Variants in ATRNL1 observed in about 807,000 individuals in gnomAD.
ATRNL1 encodes the protein attractin-like protein 1.
A neutral mutation model predicts 182.7 loss-of-function variants in ATRNL1; 95 were observed. The ratio of observed to expected loss-of-function variants is 0.52; its 90% CI spans 0.44 to 0.62. The LOEUF is 0.62. Ranked by LOEUF, ATRNL1 falls within the 20% of genes least tolerant of loss-of-function variation. The pLI is 0.00. For missense variants in ATRNL1, 1,471 were observed against 1,679.5 expected, an observed-to-expected ratio of 0.88 and a Z score of 2.17; for synonymous variants, 576 against 568.3, an observed-to-expected ratio of 1.01 and a Z score of -0.19.
chr10:115,653,495 G>A (rs542726178), intron 26 of ATRNL1, among the ~76,000 whole-genome samples: 25 of 152,174 alleles, frequency 1.6e-4, no homozygotes, highest in East Asian at 1.5e-3. Flanking sequence ...TTGCCTTTCC[G>A]TTTGGAATGT....
At chr10:115,812,271 A>G (rs947581818) in intron 27 of ATRNL1, among the ~76,000 whole-genome samples, 11 of 152,184 alleles carry the variant, frequency 7.2e-5, no homozygotes, top group African/African-American at 2.7e-4. Context: ...ATTTGCATTT[A>G]GTGTAATTAT....
intron 1 of ATRNL1, among the ~76,000 whole-genome samples, chr10:115,103,698 C>G (rs1282327489): frequency 6.6e-6 from 1 of 152,190 alleles, no homozygotes; most frequent in Admixed American, 6.5e-5. Flanking sequence ...CACTCCAATA[C>G]CTTTCCCAGC....
Position 115,549,449 on chromosome 10 carries a change from A to G in ATRNL1, c.3717-9A>G. Reference sequence around the variant, plus strand: ...TTTGAGCAAAAATTATTTGTGTTTTATTTTCCAGTTGTTTCCTATCCTTAT... The same window carrying G: ...TTTGAGCAAAAATTATTTGTGTTTTGTTTTCCAGTTGTTTCCTATCCTTAT... On this transcript the variant is annotated splice_polypyrimidine_tract_variant and intron_variant, in intron 25 of 28. Transcript: ENST00000355044. 2 of 1,579,020 alleles carry G rather than the reference A, an allele frequency of 1.3e-6. No individual in the cohort carries two copies. The highest frequency in any genetic ancestry group is 8.6e-7 in the Non-Finnish European group (1 of 1,163,242).
intron 27 of ATRNL1, among the ~76,000 whole-genome samples, chr10:115,793,136 A>T (rs1479479173): frequency 6.6e-6 from 1 of 152,076 alleles, no homozygotes; most frequent in Non-Finnish European, 1.5e-5. Flanking sequence ...TGAACTGATT[A>T]TGAAAAGAAA....
intron 5 of ATRNL1, among the ~76,000 whole-genome samples, chr10:115,152,511 G>A (rs374633169): frequency 6.6e-6 from 1 of 152,104 alleles, no homozygotes; most frequent in Admixed American, 6.6e-5. Context: ...ATTTGGCTCT[G>A]TGTTTGTCTA....
At chr10:115,505,785 G>A (rs540666259) in intron 24 of ATRNL1, among the ~76,000 whole-genome samples, 2 of 151,866 alleles carry the variant, frequency 1.3e-5, no homozygotes, top group South Asian at 2.1e-4. Context: ...ACACACACAC[G>A]TCTTGGATAA....
intron 25 of ATRNL1, among the ~76,000 whole-genome samples, chr10:115,530,791 A>G (rs1274468223): frequency 2.8e-5 from 2 of 72,522 alleles, no homozygotes; most frequent in Non-Finnish European, 5.0e-5. Context: ...CCCCCACCCC[A>G]CAACAGTCCC....
chr10:115,763,353 C>T (rs1466474536), intron 27 of ATRNL1, among the ~76,000 whole-genome samples: 1 of 151,992 alleles, frequency 6.6e-6, no homozygotes, highest in African/African-American at 2.4e-5. Context: ...ACAGTACATA[C>T]ATAGAGAAAT....
chr10:115,453,283 A>G (rs1042639210), intron 21 of ATRNL1, among the ~76,000 whole-genome samples: 4 of 152,232 alleles, frequency 2.6e-5, no homozygotes, highest in South Asian at 2.1e-4. Flanking sequence ...ACTGTTTTTC[A>G]TAATGGCAGC....
At chr10:115,366,657 C>G (rs879008874) in intron 19 of ATRNL1, among the ~76,000 whole-genome samples, 4 of 150,694 alleles carry the variant, frequency 2.7e-5, no homozygotes, top group East Asian at 1.9e-4. Flanking sequence ...CGGCTGGTAC[C>G]GGTTGTTCCT....
In ATRNL1 at chr10:115,864,319, T is replaced by C. The variant is rs546857992; in HGVS notation, c.4018+16328T>C. Among the ~76,000 whole-genome samples the C allele has an allele frequency of 2.6e-4, 39 of 150,548 alleles. 1 individual carries two copies. In the South Asian group the frequency reaches 8.2e-3, roughly 32 times the overall value. On this transcript the variant is annotated intron_variant, in intron 28 of 28. Transcript: ENST00000355044. ...GAGAGAAGAGAGCAGTGGTTTCTTA[T>C]AGTAGAATTCTAATTAATGGATGTA...
intron 27 of ATRNL1, among the ~76,000 whole-genome samples, chr10:115,746,715 A>G (rs1177671473): frequency 6.6e-6 from 1 of 152,084 alleles, no homozygotes; most frequent in Non-Finnish European, 1.5e-5. Context: ...ACAGGTTTTA[A>G]TTAAGAATAA....
At chr10:115,856,071 G>A (rs868966269) in intron 28 of ATRNL1, among the ~76,000 whole-genome samples, 13 of 152,236 alleles carry the variant, frequency 8.5e-5, no homozygotes, top group Middle Eastern at 3.4e-3. Flanking sequence ...ACTCAGGACA[G>A]ATAACCTCAC....
chr10:115,656,646 A>G (rs1486808689), intron 26 of ATRNL1, among the ~76,000 whole-genome samples: 1 of 152,208 alleles, frequency 6.6e-6, no homozygotes, highest in Non-Finnish European at 1.5e-5. Context: ...AATGAATAAA[A>G]TGATTGTAAA....
At chr10:115,111,046 A>G (rs1315948969) in intron 1 of ATRNL1, among the ~76,000 whole-genome samples, 4 of 152,220 alleles carry the variant, frequency 2.6e-5, no homozygotes, top group African/African-American at 9.6e-5. Context: ...TTTGAGCCAA[A>G]AAGTGAATAG....
chr10:115,636,315 C>G (rs1487659879), intron 26 of ATRNL1, among the ~76,000 whole-genome samples: 1 of 152,134 alleles, frequency 6.6e-6, no homozygotes, highest in Non-Finnish European at 1.5e-5. Flanking sequence ...GATCCCACCA[C>G]ATCCCTATCT....
chr10:115,683,473 A>T (rs1192265459), intron 26 of ATRNL1, among the ~76,000 whole-genome samples: 1 of 151,526 alleles, frequency 6.6e-6, no homozygotes, highest in Non-Finnish European at 1.5e-5. Flanking sequence ...CCTCTTAGAT[A>T]ATGAAAATGA....
chr10:115,863,607 T>C (rs1951366775), intron 28 of ATRNL1, among the ~76,000 whole-genome samples: 1 of 152,148 alleles, frequency 6.6e-6, no homozygotes, highest in African/African-American at 2.4e-5. Context: ...CAGTATGAGT[T>C]TATTCACTGT....
chr10:115,424,170 A>G (rs983246036), intron 20 of ATRNL1, among the ~76,000 whole-genome samples: 1 of 152,036 alleles, frequency 6.6e-6, no homozygotes, highest in Non-Finnish European at 1.5e-5. Flanking sequence ...CACTGATATA[A>G]GAAGAAGAAA....
Sources: gnomAD v4.1 joint callset for allele counts (sites outside exome capture counted in the v4.1 genomes callset) on GRCh38, gnomAD v4.1.1 for gene constraint, MANE v1.5 for transcripts, NCBI Gene and HGNC (gene_info 2026-07-23, HGNC 2026-07-21) for gene names.